Variants in ZNF536 observed in about 807,000 individuals in gnomAD.
The protein encoded by ZNF536 is zinc finger protein 536.
Under a neutral mutation model 84.5 loss-of-function variants are expected in ZNF536, and 13 were observed. The observed-to-expected ratio is 0.15, with a 90% confidence interval of 0.10 to 0.24. The LOEUF (loss-of-function observed/expected upper bound fraction) is 0.24, where lower values mean the gene tolerates loss of function less well. Ranked by LOEUF, ZNF536 falls within the 10% of genes least tolerant of loss-of-function variation. ZNF536 has a pLI of 1.00. For synonymous variants in ZNF536, 811 were observed against 742.5 expected (o/e 1.09, Z -1.50); for missense variants, 1,536 against 1,747.5 (o/e 0.88, Z 2.16).
At chr19:30,643,571 G>A (rs563883723) in intron 1 of ZNF536, among the ~76,000 whole-genome samples, 71 of 152,172 alleles carry the variant, frequency 4.7e-4, no homozygotes, top group African/African-American at 1.7e-3. Flanking sequence ...GACACATTCC[G>A]GACAGGTACT....
chr19:30,445,028 T>C lies in ZNF536; in HGVS notation c.1466T>C (p.Leu489Pro). The C allele has an allele frequency of 6.2e-7, 1 of 1,613,134 alleles. No homozygotes were observed. The highest frequency in any genetic ancestry group is 8.5e-7 in the Non-Finnish European group (1 of 1,179,832). ...GVPEGDKHSL[L>P]GCLNLVPPLK... Reference sequence around the variant, plus strand: ...CCGGAGGGGGACAAGCACTCCCTCCTGGGATGCCTCAATCTCGTGCCGCCG... The same window carrying C: ...CCGGAGGGGGACAAGCACTCCCTCCCGGGATGCCTCAATCTCGTGCCGCCG... Residue 489 changes from leucine to proline, a missense_variant, in exon 2 of 5, where the codon CTG becomes CCG. By Grantham distance (98) the Leu-to-Pro change is moderately conservative (BLOSUM62 -3). This residue lies in a region of ZNF536 where 366 missense variants were observed against 364.4 expected (regional missense o/e 1.00). Coordinates refer to ENST00000355537, the MANE Select transcript of ZNF536 (RefSeq NM_014717.3). The surrounding 1 kb of genome is among the most constrained non-coding windows in gnomAD (Gnocchi z 4.5).
chr19:30,539,739 T>G (rs1224015418), intron 3 of ZNF536, among the ~76,000 whole-genome samples: 1 of 152,148 alleles, frequency 6.6e-6, no homozygotes, highest in Non-Finnish European at 1.5e-5. Context: ...GTATCTGTTT[T>G]GTGTGTACAG....
At chr19:30,442,724 C>G (rs556578746) in intron 1 of ZNF536, among the ~76,000 whole-genome samples, 2 of 152,130 alleles carry the variant, frequency 1.3e-5, no homozygotes, top group African/African-American at 4.8e-5. Context: ...AACAGTGTTT[C>G]GTAACATAAG....
At chr19:30,280,334 C>A (rs1233592547) in intron 1 of ZNF536, among the ~76,000 whole-genome samples, 2 of 152,046 alleles carry the variant, frequency 1.3e-5, no homozygotes, top group Non-Finnish European at 2.9e-5. Flanking sequence ...TCTACTCTAT[C>A]TTTCCTCCAT....
Position 30,445,594 on chromosome 19 carries a change from C to G in ZNF536, c.2032C>G (p.Gln678Glu). The G allele has an allele frequency of 6.2e-7, 1 of 1,612,968 alleles. No homozygotes were observed. The highest frequency in any genetic ancestry group is 8.5e-7 in the Non-Finnish European group (1 of 1,179,686). ...LDERRGSGSD[Q>E]ESQSVSRSTT... ...TGAGCGGCGTGGCTCGGGCAGTGAC[C>G]AGGAGTCCCAGTCGGTGAGCCGCTC... Residue 678 changes from glutamine to glutamate, a missense_variant, in exon 2 of 5, where the codon CAG becomes GAG. Coordinates refer to ENST00000355537, the MANE Select transcript of ZNF536 (RefSeq NM_014717.3). This position sits in a 1 kb window ranked among gnomAD's most constrained non-coding sequence, Gnocchi z 4.5.
intron 2 of ZNF536, among the ~76,000 whole-genome samples, chr19:30,286,159 G>A (rs141972711): frequency 2.6e-5 from 4 of 152,082 alleles, no homozygotes; most frequent in African/African-American, 7.2e-5. Context: ...TTATAATCAC[G>A]CTCATGATTG....
chr19:30,415,135 CTTT>C (rs2050658804), intron 1 of ZNF536, among the ~76,000 whole-genome samples: 2 of 146,386 alleles, frequency 1.4e-5, no homozygotes, highest in African/African-American at 5.1e-5. Context: ...CCTCCTCCTC[CTTT>C]TCCTTCTTCT....
chr19:30,471,160 A>C (rs1481297811), intron 2 of ZNF536, among the ~76,000 whole-genome samples: 1 of 151,984 alleles, frequency 6.6e-6, no homozygotes, highest in African/African-American at 2.4e-5. Context: ...GTTAGACTGG[A>C]GTTATGGGAG....
At chr19:30,335,000 C>T (rs1420175016) in intron 2 of ZNF536, among the ~76,000 whole-genome samples, 2 of 152,202 alleles carry the variant, frequency 1.3e-5, no homozygotes, top group Admixed American at 6.5e-5. Context: ...ACCTCCTGCT[C>T]TGCGGCCCAG....
intron 3 of ZNF536, among the ~76,000 whole-genome samples, chr19:30,364,628 A>G (rs2048370497): frequency 1.3e-5 from 2 of 152,206 alleles, no homozygotes; most frequent in Non-Finnish European, 2.9e-5. Flanking sequence ...GGAAATTGGG[A>G]CAAGCTAAGT....
chr19:30,680,342 G>C, intron 1 of ZNF536, among the ~76,000 whole-genome samples: 1 of 150,922 alleles, frequency 6.6e-6, no homozygotes, highest in Non-Finnish European at 1.5e-5. Flanking sequence ...ATGTTGGTGT[G>C]CTGCACCCAT....
rs115074354 is a variant in ZNF536 at position 30,591,433 on chromosome 19, A to T, written c.169+41919A>T. Among the ~76,000 whole-genome samples, 933 of 152,340 alleles carry T rather than the reference A, an allele frequency of 6.1e-3. 11 individuals carry two copies. Among genetic ancestry groups the T allele is most frequent in the African/African-American group, 0.022 (903 of 41,586 alleles). Reference sequence around the variant, plus strand: ...AAGGAGAAGCAAAGGCATGTCTTCCATGGCGGCAGGTGAGAGAGCTTGTGC... The same window carrying T: ...AAGGAGAAGCAAAGGCATGTCTTCCTTGGCGGCAGGTGAGAGAGCTTGTGC... On this transcript the variant is annotated intron_variant, in intron 1 of 1. Transcript: ENST00000592773.
chr19:30,404,288 G>C (rs566124037), intron 1 of ZNF536, among the ~76,000 whole-genome samples: 21 of 152,264 alleles, frequency 1.4e-4, no homozygotes, highest in African/African-American at 4.8e-4. Flanking sequence ...GACAGCCTTG[G>C]TGTAGATTCT....
At chr19:30,539,631 T>C (rs1308119575) in intron 3 of ZNF536, among the ~76,000 whole-genome samples, 1 of 152,214 alleles carries the variant, frequency 6.6e-6, no homozygotes, top group Admixed American at 6.5e-5. Flanking sequence ...ATTTCAGGAT[T>C]GGTCTCCATG....
chr19:30,268,651 T>C (rs1292314666), intron 1 of ZNF536, among the ~76,000 whole-genome samples: 1 of 152,236 alleles, frequency 6.6e-6, no homozygotes. Flanking sequence ...GTTTTATTTA[T>C]GCTCTTGACC....
chr19:30,523,501 T>C (rs1342681877), intron 2 of ZNF536, among the ~76,000 whole-genome samples: 1 of 152,134 alleles, frequency 6.6e-6, no homozygotes, highest in Non-Finnish European at 1.5e-5. Flanking sequence ...TGCAAACCTC[T>C]CCGCTTATTC....
intron 2 of ZNF536, among the ~76,000 whole-genome samples, chr19:30,447,509 T>A (rs2052408859): frequency 2.0e-5 from 3 of 152,194 alleles, no homozygotes; most frequent in African/African-American, 7.2e-5. Flanking sequence ...TTGTTTGGGA[T>A]TTATTACGGA....
chr19:30,514,933 C>T (rs2055571264), intron 2 of ZNF536, among the ~76,000 whole-genome samples: 1 of 152,060 alleles, frequency 6.6e-6, no homozygotes. Flanking sequence ...CCTCAGTTTT[C>T]TCATCTGTAC....
At chr19:30,693,081 T>C (rs1438823864) in intron 1 of ZNF536, among the ~76,000 whole-genome samples, 1 of 151,760 alleles carries the variant, frequency 6.6e-6, no homozygotes, top group Non-Finnish European at 1.5e-5. Context: ...GTGGAGGTGC[T>C]ACTAGTGTGT....
Sources: gnomAD v4.1 joint callset for allele counts (sites outside exome capture counted in the v4.1 genomes callset) on GRCh38, gnomAD v4.1.1 for gene constraint, gnomAD v4.1.1 regional missense constraint, Gnocchi (gnomAD v3.1) non-coding constraint, MANE v1.5 for transcripts, NCBI Gene and HGNC (gene_info 2026-07-23, HGNC 2026-07-21) for gene names.